Variants in C8orf74 observed in about 807,000 individuals in gnomAD.
The protein encoded by C8orf74 is chromosome 8 open reading frame 74.
In C8orf74, 29 loss-of-function variants were observed where a neutral mutation model predicts 22.2. The observed-to-expected ratio is 1.31, with a 90% CI of 0.97 to 1.78. The LOEUF is 1.78. Among genes scored for constraint, C8orf74 ranks in the 40% most tolerant of loss-of-function variants. C8orf74 has a pLI of 0.00. For missense variants in C8orf74, 515 were observed against 369.9 expected (o/e 1.39, Z -3.22); for synonymous variants, 255 against 163.1 (o/e 1.56, Z -4.30).
intron 2 of C8orf74, among the ~76,000 whole-genome samples, chr8:10,695,074 T>C (rs1485213212): frequency 2.0e-5 from 3 of 148,636 alleles, no homozygotes; most frequent in Non-Finnish European, 4.5e-5. Context: ...AAGGAAGGAA[T>C]AGAGGGAAGG....
rs186803488 is a variant in C8orf74 at position 10,674,727 on chromosome 8, C to A, written c.130C>A (p.Leu44Met). 947 of 1,608,384 alleles carry A rather than the reference C, an allele frequency of 5.9e-4. 3 individuals are homozygous for A. The highest frequency in any genetic ancestry group is 2.4e-4 in the Non-Finnish European group (281 of 1,177,464). Residue 44 changes from leucine (L) to methionine (M), a missense_variant, in exon 2 of 4, where the codon CTG (leucine) becomes ATG (methionine). Leu to Met is a conservative substitution (Grantham distance 15). Coordinates refer to ENST00000304519, the MANE Select transcript of C8orf74 (RefSeq NM_001040032.2). ...DEQRDSRRSILLDTLYESIIF... is the reference protein window; with the variant it reads ...DEQRDSRRSIMLDTLYESIIF... ...ACAGAGAGACTCCCGGAGGAGCATC[C>A]TGCTGGACACCCTCTACGAGAGCAT...
intron 2 of C8orf74, among the ~76,000 whole-genome samples, chr8:10,676,376 T>C (rs1799032627): frequency 6.6e-6 from 1 of 152,062 alleles, no homozygotes; most frequent in African/African-American, 2.4e-5. Flanking sequence ...CCTCACCACT[T>C]CTGACCACCC....
chr8:10,692,107 G>A (rs907796260), intron 2 of C8orf74: 7 of 152,280 alleles, frequency 4.6e-5, no homozygotes, highest in East Asian at 1.9e-4. Context: ...GCATCCCTGC[G>A]GGGAAGCTCC....
In C8orf74 at chr8:10,697,901, G is replaced by A. The variant is rs751820803; in HGVS notation, c.544G>A (p.Val182Met). 9 of 1,607,924 alleles carry A rather than the reference G, an allele frequency of 5.6e-6. No homozygotes were observed. In the East Asian group the frequency reaches 1.1e-4, roughly 20 times the overall value. ...GGCCGAGGCACAGAAGCGCGCCGACGTGCTGCTCCTGAAAGAGGCGCTGCG... is the reference window on the plus strand; with the variant it reads ...GGCCGAGGCACAGAAGCGCGCCGACATGCTGCTCCTGAAAGAGGCGCTGCG... ...TEAEAQKRAD[V>M]LLLKEALRLE... Residue 182 changes from valine (V) to methionine (M), a missense_variant, in exon 3 of 4, where the codon GTG (valine) becomes ATG (methionine). Physicochemically the swap from Val to Met is conservative, Grantham distance 21. Coordinates refer to ENST00000304519, the MANE Select transcript of C8orf74 (RefSeq NM_001040032.2).
intron 2 of C8orf74, among the ~76,000 whole-genome samples, chr8:10,684,017 C>T (rs1284731189): frequency 6.6e-6 from 1 of 152,134 alleles, no homozygotes; most frequent in Non-Finnish European, 1.5e-5. Flanking sequence ...CGATGCTAGG[C>T]AGGAGGTGAC....
intron 2 of C8orf74, among the ~76,000 whole-genome samples, chr8:10,684,761 T>G (rs562674691): frequency 3.9e-5 from 6 of 152,362 alleles, no homozygotes; most frequent in African/African-American, 1.4e-4. Context: ...TTTGTTTCCT[T>G]ACGAAATCGA....
At chr8:10,674,892 C>A in intron 2 of C8orf74, 54 bp downstream of exon 2, 6 of 1,421,372 alleles carry the variant, frequency 4.2e-6, no homozygotes, top group Non-Finnish European at 5.7e-6. Context: ...GGGGTGGGTA[C>A]ACATAGAACT....
chr8:10,674,952 C>G (rs1799002644), intron 2 of C8orf74, 114 bp downstream of exon 2: 5 of 821,260 alleles, frequency 6.1e-6, no homozygotes, highest in South Asian at 5.6e-5. Flanking sequence ...GGGCCCCTTC[C>G]TGCCCTTCCC....
intron 2 of C8orf74, among the ~76,000 whole-genome samples, chr8:10,694,967 G>C (rs955243936): frequency 6.6e-6 from 1 of 151,846 alleles, no homozygotes; most frequent in African/African-American, 2.4e-5. Context: ...TGGAAGGATG[G>C]ACGGATGGAT....
chr8:10,683,217 T>A (rs1478630905), intron 2 of C8orf74, among the ~76,000 whole-genome samples: 1 of 152,196 alleles, frequency 6.6e-6, no homozygotes, highest in Non-Finnish European at 1.5e-5. Flanking sequence ...CCAGAGCTGC[T>A]CACAGGAGAG....
intron 2 of C8orf74, among the ~76,000 whole-genome samples, chr8:10,678,649 T>A (rs920653765): frequency 3.4e-5 from 5 of 148,640 alleles, no homozygotes. Flanking sequence ...AGGAGCAAGA[T>A]GGGAGACAAA....
At chr8:10,693,617 G>A (rs1323113446) in intron 2 of C8orf74, among the ~76,000 whole-genome samples, 1 of 152,222 alleles carries the variant, frequency 6.6e-6, no homozygotes, top group Non-Finnish European at 1.5e-5. Flanking sequence ...GCCATCATTT[G>A]TTCAACTGTC....
At chr8:10,684,577 T>TA (rs1345957409) in intron 2 of C8orf74, among the ~76,000 whole-genome samples, 1 of 152,216 alleles carries the variant, frequency 6.6e-6, no homozygotes, top group Non-Finnish European at 1.5e-5. Context: ...TGGTTTATAG[T>TA]AGTCCCCTCT....
chr8:10,694,333 T>C (rs1393627857), intron 2 of C8orf74, among the ~76,000 whole-genome samples: 4 of 152,150 alleles, frequency 2.6e-5, no homozygotes, highest in African/African-American at 9.7e-5. Context: ...AGGATAAATA[T>C]GTAAACTGAA....
chr8:10,685,868 G>A (rs780465839), intron 2 of C8orf74, among the ~76,000 whole-genome samples: 1 of 152,206 alleles, frequency 6.6e-6, no homozygotes, highest in African/African-American at 2.4e-5. Context: ...AGGAGATTGA[G>A]ACCATCCTGG....
intron 3 of C8orf74, 148 bp downstream of exon 3, chr8:10,698,153 C>T (rs1446033383): frequency 2.7e-6 from 2 of 744,862 alleles, no homozygotes; most frequent in Admixed American, 3.5e-5. Context: ...CCACGAGCTT[C>T]GCGGTAGACT....
chr8:10,690,113 C>G (rs1799342091), intron 2 of C8orf74, among the ~76,000 whole-genome samples: 1 of 152,190 alleles, frequency 6.6e-6, no homozygotes, highest in Non-Finnish European at 1.5e-5. Context: ...CAAGAATCTA[C>G]AAAAAGACCC....
intron 2 of C8orf74, among the ~76,000 whole-genome samples, chr8:10,682,827 C>A (rs1306760709): frequency 6.6e-6 from 1 of 152,234 alleles, no homozygotes; most frequent in Non-Finnish European, 1.5e-5. Flanking sequence ...CCGCAAGAGA[C>A]TATCCGTCCC....
In C8orf74 at chr8:10,697,639, G is replaced by T; in HGVS notation, c.282G>T (p.Lys94Asn). ...AGGCTGTGACGATCCTGGGGAACAA[G>T]CTTAGAGATTACCGGGGCCATTTCA... ...ITEAVTILGN[K>N]LRDYRGHFNT... is the part of the protein sequence containing the mutation. The change falls in exon 3 of 4, where the codon AAG becomes AAT. Residue 94 changes from lysine to asparagine, a missense_variant. Physicochemically the swap from Lys to Asn is moderately conservative, Grantham distance 94 (BLOSUM62 0). Coordinates refer to ENST00000304519, the MANE Select transcript of C8orf74 (RefSeq NM_001040032.2). 6.2e-7 allele frequency: 1 copy of T among 1,613,946 alleles called. No individual in the cohort carries two copies. The highest frequency in any genetic ancestry group is 8.5e-7 in the Non-Finnish European group (1 of 1,179,880).
Sources: gnomAD v4.1 joint callset for allele counts (sites outside exome capture counted in the v4.1 genomes callset) on GRCh38, gnomAD v4.1.1 for gene constraint, MANE v1.5 for transcripts, NCBI Gene and HGNC (gene_info 2026-07-23, HGNC 2026-07-21) for gene names.